MBD5: variants seen among roughly 807,000 people sequenced by gnomAD.
MBD5 encodes methyl-CpG binding domain protein 5, also known as methyl-CpG-binding domain protein 5.
In MBD5, 13 loss-of-function variants were observed where a neutral mutation model predicts 117.3. That is an observed-to-expected ratio of 0.11 (90% CI 0.07 to 0.18). The LOEUF (loss-of-function observed/expected upper bound fraction) is 0.18, where lower values mean the gene tolerates loss of function less well. Ranked by LOEUF, MBD5 falls within the 10% of genes least tolerant of loss-of-function variation. The pLI, the probability that MBD5 is intolerant of heterozygous loss-of-function variation, is 1.00. For synonymous variants in MBD5, 727 were observed against 766.4 expected (o/e 0.95, Z 0.85); for missense variants, 1,879 against 2,093.8 (o/e 0.90, Z 2.00).
chr2:148,307,872 G>A (rs6724587), intron 3 of MBD5, among the ~76,000 whole-genome samples: 30,862 of 151,832 alleles, frequency 0.2, 3,264 homozygotes, highest in African/African-American at 0.21. Flanking sequence ...GTTCCCACTT[G>A]TAAGTGAGAA....
At chr2:148,155,485 T>C (rs73009254) in intron 1 of MBD5, among the ~76,000 whole-genome samples, 8,032 of 152,276 alleles carry the variant, frequency 0.053, 244 homozygotes, top group African/African-American at 0.078. Context: ...TTAAGTAATT[T>C]ATATCATTCT....
chr2:148,462,822 G>A, intron 6 of MBD5, 138 bp downstream of exon 6: 1 of 668,858 alleles, frequency 1.5e-6, no homozygotes, highest in Non-Finnish European at 2.6e-6. Flanking sequence ...CTCATATTTT[G>A]CATGTGTTTT....
At chr2:148,083,680 T>C (rs1030028108) in intron 1 of MBD5, among the ~76,000 whole-genome samples, 5 of 152,128 alleles carry the variant, frequency 3.3e-5, no homozygotes, top group Non-Finnish European at 7.4e-5. Flanking sequence ...CAGGCTGTAG[T>C]GCAGTCGCGC....
intron 1 of MBD5, among the ~76,000 whole-genome samples, chr2:148,159,088 A>G (rs565835635): frequency 2.6e-5 from 4 of 152,346 alleles, no homozygotes; most frequent in African/African-American, 9.6e-5. Flanking sequence ...CCTACTTTAC[A>G]GATGGAGAAA....
At chr2:148,236,136 G>T (rs1256795920) in intron 3 of MBD5, among the ~76,000 whole-genome samples, 3 of 152,046 alleles carry the variant, frequency 2.0e-5, no homozygotes, top group Admixed American at 2.0e-4. Flanking sequence ...GATGTTGATG[G>T]TTGCTAACAT....
intron 4 of MBD5, among the ~76,000 whole-genome samples, chr2:148,385,842 C>T (rs1363146460): frequency 6.6e-6 from 1 of 151,306 alleles, no homozygotes; most frequent in Non-Finnish European, 1.5e-5. Flanking sequence ...CCATCATTCT[C>T]AGCAATCTAT....
At chr2:148,429,149 GAA>G (rs57415335) in intron 4 of MBD5, among the ~76,000 whole-genome samples, 8,936 of 151,646 alleles carry the variant, frequency 0.059, 287 homozygotes, top group African/African-American at 0.074. Flanking sequence ...AAATTTACAA[GAA>G]AAAAAGAGAC....
intron 1 of MBD5, among the ~76,000 whole-genome samples, chr2:148,154,379 C>G (rs1381179613): frequency 6.6e-6 from 1 of 151,682 alleles, no homozygotes; most frequent in East Asian, 2.0e-4. Flanking sequence ...TTACTGCTGT[C>G]TTTTTGTTTG....
chr2:148,354,771 C>T (rs1028176399), intron 4 of MBD5, among the ~76,000 whole-genome samples: 3 of 152,184 alleles, frequency 2.0e-5, no homozygotes, highest in Admixed American at 6.5e-5. Context: ...GCCTCACCAG[C>T]ATCTGTTGTT....
intron 4 of MBD5, among the ~76,000 whole-genome samples, chr2:148,443,345 C>G (rs1342795492): frequency 6.6e-6 from 1 of 151,126 alleles, no homozygotes; most frequent in Non-Finnish European, 1.5e-5. Context: ...AGGTTCCTCA[C>G]AAAACTAAAA....
At chr2:148,307,884 A>ATGTG (rs142692933) in intron 3 of MBD5, among the ~76,000 whole-genome samples, 30,652 of 151,816 alleles carry the variant, frequency 0.2, 3,182 homozygotes, top group African/African-American at 0.21. Context: ...AAGTGAGAAC[A>ATGTG]TGTGGTGTTT....
intron 4 of MBD5, among the ~76,000 whole-genome samples, chr2:148,386,735 A>G (rs1267798363): frequency 1.3e-5 from 2 of 149,572 alleles, no homozygotes; most frequent in African/African-American, 2.4e-5. Flanking sequence ...AAAAAAAAAA[A>G]AAAAAAAAGA....
At chr2:148,426,607 AG>A (rs1331629734) in intron 4 of MBD5, among the ~76,000 whole-genome samples, 1 of 152,182 alleles carries the variant, frequency 6.6e-6, no homozygotes, top group African/African-American at 2.4e-5. Context: ...ATATGTAGAA[AG>A]CTGAAACTGG....
At chr2:148,238,289 G>T (rs1027148357) in intron 3 of MBD5, among the ~76,000 whole-genome samples, 6 of 152,036 alleles carry the variant, frequency 3.9e-5, no homozygotes, top group African/African-American at 1.4e-4. Context: ...TTATACCAAT[G>T]GTTATTAATC....
intron 3 of MBD5, among the ~76,000 whole-genome samples, chr2:148,328,806 G>A (rs558141639): frequency 9.7e-4 from 147 of 152,026 alleles, no homozygotes; most frequent in Non-Finnish European, 1.3e-3. Flanking sequence ...CGTCTTCTGC[G>A]TTGCTCACTC....
intron 1 of MBD5, chr2:148,025,293 T>C (rs1403052606): frequency 1.3e-5 from 2 of 152,180 alleles, no homozygotes; most frequent in African/African-American, 2.4e-5. Context: ...AATTTTATAT[T>C]AACTAAATGG....
chr2:148,146,028 C>G (rs912494337), intron 1 of MBD5, among the ~76,000 whole-genome samples: 1 of 152,128 alleles, frequency 6.6e-6, no homozygotes, highest in African/African-American at 2.4e-5. Flanking sequence ...AAAATCAATT[C>G]TAAAAATACA....
chr2:148,303,745 A>G lies in MBD5; in HGVS notation c.-679-38469A>G, dbSNP rs1701826244. ...ATCAAACCTACCAGTAGATTGTAAT[A>G]CATCACAATATACAGCATGTTGCAA... On this transcript the variant is annotated intron_variant, in intron 3 of 13. Coordinates refer to ENST00000642680, the MANE Select transcript of MBD5 (RefSeq NM_001378120.1). 2.6e-5 allele frequency among the ~76,000 whole-genome samples: 4 copies of G among 152,248 alleles called. No homozygotes were observed. The South Asian group carries it at 8.3e-4, about 31-fold the overall frequency.
chr2:148,276,992 TGTG>T (rs1701129054), intron 3 of MBD5, among the ~76,000 whole-genome samples: 1 of 152,192 alleles, frequency 6.6e-6, no homozygotes, highest in Non-Finnish European at 1.5e-5. Context: ...TATACTCAGT[TGTG>T]GTACTTTTGG....
Sources: allele counts gnomAD v4.1 joint callset (sites outside exome capture counted in the v4.1 genomes callset), GRCh38; gene constraint gnomAD v4.1.1; transcripts MANE v1.5; gene names NCBI Gene and HGNC (gene_info 2026-07-23, HGNC 2026-07-21).